HS2ST1: variants seen among roughly 807,000 people sequenced by gnomAD.
HS2ST1 encodes 2-O-sulfotransferase.
A neutral mutation model predicts 42.9 loss-of-function variants in HS2ST1; 18 were observed. That is an observed-to-expected ratio of 0.42 (90% CI 0.29 to 0.62). The LOEUF is 0.62. HS2ST1 is among the 20% of genes least tolerant of loss of function. The pLI, the probability that HS2ST1 is intolerant of heterozygous loss-of-function variation, is 0.21. For synonymous variants in HS2ST1, 146 were observed against 152.9 expected (o/e 0.95, Z 0.33); for missense variants, 334 against 433.8 (o/e 0.77, Z 2.04).
chr1:87,028,825 C>G (rs895371968), intron 1 of HS2ST1, among the ~76,000 whole-genome samples: 3 of 152,070 alleles, frequency 2.0e-5, no homozygotes, highest in African/African-American at 7.2e-5. Context: ...TGCCACTGTT[C>G]TGTTATTATA....
chr1:87,100,603 T>G (rs1194280061), intron 5 of HS2ST1, among the ~76,000 whole-genome samples: 1 of 152,218 alleles, frequency 6.6e-6, no homozygotes, highest in Non-Finnish European at 1.5e-5. Flanking sequence ...CACAGTGTTA[T>G]TAAATTCCTT....
chr1:86,928,130 A>C (rs1434741902), intron 1 of HS2ST1, among the ~76,000 whole-genome samples: 1 of 152,130 alleles, frequency 6.6e-6, no homozygotes, highest in Non-Finnish European at 1.5e-5. Flanking sequence ...TAGTGTATTC[A>C]GTAGAGTTGT....
intron 1 of HS2ST1, among the ~76,000 whole-genome samples, chr1:86,986,068 T>G (rs1206039885): frequency 6.7e-6 from 1 of 148,524 alleles, no homozygotes; most frequent in East Asian, 2.0e-4. Flanking sequence ...ATCTCCCACA[T>G]TTTCCAGAAC....
At chr1:87,043,174 G>T (rs2100606348) in intron 1 of HS2ST1, among the ~76,000 whole-genome samples, 1 of 152,212 alleles carries the variant, frequency 6.6e-6, no homozygotes. Flanking sequence ...AATGTGATTA[G>T]AAAGGTTCTT....
intron 1 of HS2ST1, among the ~76,000 whole-genome samples, chr1:86,998,651 G>A (rs776952709): frequency 2.6e-5 from 4 of 152,134 alleles, no homozygotes; most frequent in East Asian, 1.9e-4. Context: ...ATACACACAC[G>A]TACACATTTA....
chr1:87,107,181 G>A lies in HS2ST1; in HGVS notation c.*2485G>A, dbSNP rs1380488858. On this transcript the variant is annotated 3_prime_UTR_variant, in exon 7 of 7. Coordinates refer to ENST00000370550, the MANE Select transcript of HS2ST1 (RefSeq NM_012262.4). Reference sequence around the variant, plus strand: ...TCCTCTTTGTGTCTCTACTCTAGATGCCTAAAAGAGTTTATATACTTCTAA... The same window carrying A: ...TCCTCTTTGTGTCTCTACTCTAGATACCTAAAAGAGTTTATATACTTCTAA... The A allele has an allele frequency of 6.6e-6, 1 of 152,010 alleles. No individual in the cohort carries two copies. The highest frequency in any genetic ancestry group is 1.5e-5 in the Non-Finnish European group (1 of 67,918). The allele number at this position is 152,010 out of a possible 1,614,324, so 9.4% of individuals were successfully genotyped here. A position where few individuals can be genotyped will look rare whatever the true frequency, so the allele number is the denominator to read the frequency against.
chr1:86,978,102 C>T (rs1248877068), intron 1 of HS2ST1, among the ~76,000 whole-genome samples: 3 of 152,162 alleles, frequency 2.0e-5, no homozygotes, highest in African/African-American at 4.8e-5. Flanking sequence ...AGTACAGTAA[C>T]ATGCTGTATA....
intron 1 of HS2ST1, among the ~76,000 whole-genome samples, chr1:87,005,673 T>A (rs1458497421): frequency 6.6e-6 from 1 of 152,174 alleles, no homozygotes; most frequent in Non-Finnish European, 1.5e-5. Context: ...TCGTGGCATG[T>A]TTAAGAGATT....
intron 1 of HS2ST1, among the ~76,000 whole-genome samples, chr1:86,920,909 G>A (rs926315760): frequency 1.3e-4 from 20 of 151,910 alleles, no homozygotes; most frequent in African/African-American, 3.9e-4. Context: ...TCATTCTCCT[G>A]TCACAATGTA....
intron 4 of HS2ST1, among the ~76,000 whole-genome samples, chr1:87,095,560 G>A (rs1010073575): frequency 7.2e-5 from 11 of 152,116 alleles, no homozygotes; most frequent in African/African-American, 2.4e-4. Context: ...TAGAACTAGA[G>A]TTTTATTTAA....
At chr1:87,096,432 A>G (rs925326076) in intron 4 of HS2ST1, among the ~76,000 whole-genome samples, 1 of 152,192 alleles carries the variant, frequency 6.6e-6, no homozygotes, top group African/African-American at 2.4e-5. Context: ...ATATACATTA[A>G]TATCACCACT....
chr1:86,915,693 C>G (rs951312252), intron 1 of HS2ST1, among the ~76,000 whole-genome samples: 2 of 152,194 alleles, frequency 1.3e-5, no homozygotes, highest in African/African-American at 4.8e-5. Context: ...GCGAGTTGCA[C>G]TCTTGTGCTC....
chr1:87,093,038 A>G (rs745539575), intron 4 of HS2ST1, among the ~76,000 whole-genome samples: 1 of 152,068 alleles, frequency 6.6e-6, no homozygotes, highest in Non-Finnish European at 1.5e-5. Context: ...TAAGGACACT[A>G]TTTTGCTGAA....
intron 1 of HS2ST1, among the ~76,000 whole-genome samples, chr1:86,991,394 G>C (rs1489594575): frequency 6.6e-6 from 1 of 152,156 alleles, no homozygotes; most frequent in African/African-American, 2.4e-5. Flanking sequence ...GAAAACAGAA[G>C]TGAGGTACAG....
intron 1 of HS2ST1, among the ~76,000 whole-genome samples, chr1:87,057,997 T>TTC (rs1319749604): frequency 6.6e-6 from 1 of 151,786 alleles, no homozygotes. Flanking sequence ...ACTGGCCTGC[T>TTC]TCTCTCTCTA....
chr1:86,941,245 C>A (rs1660757141), intron 1 of HS2ST1, among the ~76,000 whole-genome samples: 1 of 152,138 alleles, frequency 6.6e-6, no homozygotes, highest in South Asian at 2.1e-4. Context: ...CCCTTTCATT[C>A]TTCTCTGAAG....
At chr1:87,045,279 C>A in intron 1 of HS2ST1, 1 of 1,104,234 alleles carries the variant, frequency 9.1e-7, no homozygotes. Flanking sequence ...AAAGTATAGT[C>A]CTGGAGGAAG....
At chr1:86,945,591 C>G (rs1262189630) in intron 1 of HS2ST1, among the ~76,000 whole-genome samples, 3 of 152,024 alleles carry the variant, frequency 2.0e-5, no homozygotes, top group African/African-American at 7.3e-5. Flanking sequence ...GCAGTGATCT[C>G]TAGATTCTAT....
intron 1 of HS2ST1, among the ~76,000 whole-genome samples, chr1:87,006,142 A>G (rs1649433221): frequency 6.6e-6 from 1 of 152,164 alleles, no homozygotes; most frequent in Non-Finnish European, 1.5e-5. Flanking sequence ...GCTGTTTAGC[A>G]TTCCAGTGCA....
Sources: allele counts gnomAD v4.1 joint callset (sites outside exome capture counted in the v4.1 genomes callset), GRCh38; gene constraint gnomAD v4.1.1; transcripts MANE v1.5; gene names NCBI Gene and HGNC (gene_info 2026-07-23, HGNC 2026-07-21).